The following MROH1 variants were observed in gnomAD, a reference collection of about 807,000 sequenced individuals.
The protein encoded by MROH1 is maestro heat like repeat family member 1.
In MROH1, 117 loss-of-function variants were observed where a neutral mutation model predicts 116.5. That is an observed-to-expected ratio of 1.00 (90% CI 0.86 to 1.17). The LOEUF is 1.17. MROH1 is among the 50% of genes most tolerant of loss of function. The pLI, the probability that MROH1 is intolerant of heterozygous loss-of-function variation, is 0.00. For synonymous variants in MROH1, 921 were observed against 583.9 expected (o/e 1.58, Z -8.32); for missense variants, 1,873 against 1,338.5 (o/e 1.40, Z -6.23).
chr8:144,241,033 T>G lies in MROH1; in HGVS notation c.1977T>G (p.Ala659=). ...GCATAGGCACCACCCTGGGTGCTGC[T>G]TCAAGTAAGGAGGTGGTGAGGAAGC... ...YKCIGTTLGA[A]SSKEVVRKHL... The change falls in exon 21 of 44, where the codon GCT becomes GCG. Residue 659 remains alanine, a synonymous_variant. Transcript: ENST00000326134. The G allele has an allele frequency of 1.3e-6, 1 of 774,856 alleles. No homozygotes were observed. Among genetic ancestry groups the G allele is most frequent in the Non-Finnish European group, 2.4e-6 (1 of 415,468 alleles). The allele number at this position is 774,856 out of a possible 1,614,324, so 48.0% of individuals were successfully genotyped here.
intron 24 of MROH1, 50 bp downstream of exon 24, chr8:144,242,678 C>T: frequency 1.3e-6 from 1 of 764,236 alleles, no homozygotes; most frequent in Non-Finnish European, 2.4e-6. Flanking sequence ...CCTCTCGGCT[C>T]TCCTCTGGGC....
At position 144,247,305 on chromosome 8, in the gene MROH1, T is replaced by C; in HGVS notation, c.2876T>C (p.Leu959Pro). 1.3e-6 allele frequency: 1 copy of C among 771,406 alleles called. No individual in the cohort carries two copies. Among genetic ancestry groups the C allele is most frequent in the East Asian group, 2.4e-5 (1 of 41,096 alleles). The allele number at this position is 771,406 out of a possible 1,614,324, so 47.8% of individuals were successfully genotyped here. A position where few individuals can be genotyped will look rare whatever the true frequency, so the allele number is the denominator to read the frequency against. Residue 959 changes from leucine to proline, a missense_variant, in exon 30 of 44, where the codon CTG (leucine) becomes CCG (proline). Physicochemically the swap from Leu to Pro is moderately conservative, Grantham distance 98. Coordinates refer to ENST00000326134, the MANE Select transcript of MROH1 (RefSeq NM_032450.3). ...CCCAGGCATCTCCTCCTCCAGGCCC[T>C]GGTGCCCTTCCACAACCTGGGCCTT... ...YFLEHLRVSA[L>P]VPFHNLGLLI...
At chr8:144,192,283 C>T (rs142011777) in intron 9 of MROH1, 26 bp from the exon 10 acceptor site, 22 of 1,553,830 alleles carry the variant, frequency 1.4e-5, no homozygotes, top group East Asian at 1.2e-4. Context: ...GTAGGACTGA[C>T]GGCCTCTTCT....
intron 12 of MROH1, among the ~76,000 whole-genome samples, chr8:144,216,473 C>CA: frequency 6.6e-6 from 1 of 152,064 alleles, no homozygotes; most frequent in Non-Finnish European, 1.5e-5. Context: ...GACTCCATCT[C>CA]AAAAAAATAA....
chr8:144,229,599 C>T (rs1178998151), intron 14 of MROH1, among the ~76,000 whole-genome samples: 1 of 151,942 alleles, frequency 6.6e-6, no homozygotes, highest in African/African-American at 2.4e-5. Flanking sequence ...CTATGTTGCC[C>T]AGGTTGGTCT....
At chr8:144,170,567 A>T (rs1187010492) in intron 4 of MROH1, among the ~76,000 whole-genome samples, 2 of 152,236 alleles carry the variant, frequency 1.3e-5, no homozygotes, top group African/African-American at 4.8e-5. Context: ...GATAGCAGGC[A>T]TGGTTCAAAG....
chr8:144,239,203 CTCCCCACTCCTGCCCCCACT>C lies in MROH1; in HGVS notation c.1591+51_1591+70del, dbSNP rs1326094304. 3,599 of 749,486 alleles carry C rather than the reference CTCCCCACTCCTGCCCCCACT, an allele frequency of 4.8e-3. 56 individuals carry two copies. Among genetic ancestry groups the C allele is most frequent in the African/African-American group, 0.045 (2,632 of 58,488 alleles). 46.4% of individuals were successfully genotyped at this position (749,486 alleles called of 1,614,324 possible). ...TGGTGCGTGCCGCGCCGTACCCCAC[CTCCCCACTCCTGCCCCCACT>C]TCCCCACTCCTGCCCCCACTTCCCC... On this transcript the variant is annotated intron_variant, in intron 16 of 43. Coordinates refer to ENST00000326134, the MANE Select transcript of MROH1 (RefSeq NM_032450.3).
At chr8:144,169,120 T>C (rs1170651407) in intron 4 of MROH1, among the ~76,000 whole-genome samples, 1 of 152,382 alleles carries the variant, frequency 6.6e-6, no homozygotes, top group East Asian at 1.9e-4. Context: ...GCGTTAGCAC[T>C]GCATTGTTTG....
intron 4 of MROH1, among the ~76,000 whole-genome samples, chr8:144,171,918 C>G (rs1188021344): frequency 6.6e-6 from 1 of 152,166 alleles, no homozygotes; most frequent in Non-Finnish European, 1.5e-5. Context: ...CTACGACAGA[C>G]AGAAAGGAGA....
chr8:144,248,441 C>A (rs1441567988), intron 31 of MROH1, among the ~76,000 whole-genome samples: 2 of 152,156 alleles, frequency 1.3e-5, no homozygotes. Flanking sequence ...GACTGTGTCT[C>A]CTGCAGAGGA....
intron 10 of MROH1, among the ~76,000 whole-genome samples, chr8:144,197,686 C>T (rs1188591683): frequency 2.7e-5 from 4 of 150,004 alleles, no homozygotes; most frequent in Non-Finnish European, 5.9e-5. Context: ...CCGCCCACCT[C>T]GGCCTCCCAA....
intron 16 of MROH1, 30 bp from the exon 17 acceptor site, chr8:144,239,293 C>A: frequency 1.3e-6 from 1 of 780,164 alleles, no homozygotes; most frequent in South Asian, 1.3e-5. Flanking sequence ...AGGCAGCCCC[C>A]CACTGACTAT....
At chr8:144,240,509 G>A (rs1176738416) in intron 19 of MROH1, 61 bp from the exon 20 acceptor site, 41 of 710,582 alleles carry the variant, frequency 5.8e-5, no homozygotes, top group Non-Finnish European at 9.9e-5. Flanking sequence ...ATGTGCCCAG[G>A]CTCCAGCCAG....
Position 144,238,796 on chromosome 8 carries a change from ACAGCGTGCGGGCCAT to A in MROH1, c.1389_1403del (p.Ala464_Arg468del). ...CCCGGCAGCAAGGACCCCAAGGCCG[ACAGCGTGCGGGCCAT>A]CAGCGTGCGCACCCTCTACCTGGTC... On this transcript the variant is annotated inframe_deletion, in exon 15 of 44. Transcript: ENST00000326134. 1 of 774,668 alleles carries A rather than the reference ACAGCGTGCGGGCCAT, an allele frequency of 1.3e-6. No individual in the cohort carries two copies. Among genetic ancestry groups the A allele is most frequent in the Non-Finnish European group, 2.4e-6 (1 of 417,702 alleles). The allele number at this position is 774,668 out of a possible 1,614,324, so 48.0% of individuals were successfully genotyped here.
At chr8:144,253,342 T>A (rs2133222980) in intron 33 of MROH1, among the ~76,000 whole-genome samples, 1 of 152,376 alleles carries the variant, frequency 6.6e-6, no homozygotes, top group East Asian at 1.9e-4. Context: ...TCCGTCCACT[T>A]CCACGCTGTC....
intron 14 of MROH1, among the ~76,000 whole-genome samples, chr8:144,232,486 ATTT>A (rs1839099457): frequency 1.3e-5 from 2 of 150,938 alleles, no homozygotes; most frequent in Non-Finnish European, 2.9e-5. Context: ...TTATTTATTT[ATTT>A]ATTTATTTAT....
At chr8:144,255,473 G>C (rs1564573535) in intron 34 of MROH1, 36 bp from the exon 35 acceptor site, 2 of 775,082 alleles carry the variant, frequency 2.6e-6, no homozygotes, top group Non-Finnish European at 2.4e-6. Flanking sequence ...CTGCGGCCTG[G>C]AGGGAGGCAT....
intron 43 of MROH1, 43 bp downstream of exon 43, chr8:144,261,392 C>T (rs952371526): frequency 1.3e-5 from 9 of 700,654 alleles, no homozygotes; most frequent in Non-Finnish European, 2.1e-5. Flanking sequence ...GCCCTGCTGA[C>T]CCTGTAGGCA....
chr8:144,261,528 A>C, intron 43 of MROH1, 127 bp from the exon 44 acceptor site: 1 of 688,436 alleles, frequency 1.5e-6, no homozygotes, highest in Non-Finnish European at 2.6e-6. Context: ...ACACTAAAAA[A>C]GGAAAAACGA....
Sources: gnomAD v4.1 joint callset for allele counts (sites outside exome capture counted in the v4.1 genomes callset) on GRCh38, gnomAD v4.1.1 for gene constraint, MANE v1.5 for transcripts, NCBI Gene and HGNC (gene_info 2026-07-23, HGNC 2026-07-21) for gene names.